The following MMP26 variants were observed in gnomAD, a reference collection of about 807,000 sequenced individuals.
MMP26 encodes the protein matrix metallopeptidase 26.
A neutral mutation model predicts 31.0 loss-of-function variants in MMP26; 33 were observed. That is an observed-to-expected ratio of 1.06 (90% CI 0.81 to 1.42). The LOEUF (loss-of-function observed/expected upper bound fraction) is 1.42, where lower values mean the gene tolerates loss of function less well. Among genes scored for constraint, MMP26 ranks in the 40% most tolerant of loss-of-function variants. The pLI is 0.00. For missense variants in MMP26, 347 were observed against 316.1 expected (o/e 1.10, Z -0.74); for synonymous variants, 122 against 114.9 (o/e 1.06, Z -0.40).
At chr11:4,708,983 C>G (rs2133263442) in intron 1 of MMP26, among the ~76,000 whole-genome samples, 1 of 152,158 alleles carries the variant, frequency 6.6e-6, no homozygotes, top group South Asian at 2.1e-4. Flanking sequence ...TGTTTCTTTC[C>G]TGGTACTTAG....
intron 2 of MMP26, among the ~76,000 whole-genome samples, chr11:4,934,073 C>A (rs1326700475): frequency 7.7e-6 from 1 of 129,304 alleles, no homozygotes; most frequent in African/African-American, 2.9e-5. Flanking sequence ...ATTTATAGTC[C>A]TTTGGCTATA....
chr11:4,803,182 AC>A (rs1370735787), intron 2 of MMP26, among the ~76,000 whole-genome samples: 1 of 152,160 alleles, frequency 6.6e-6, no homozygotes, highest in Non-Finnish European at 1.5e-5. Context: ...AATAGGTAAA[AC>A]TACTTTTATT....
In MMP26 at chr11:4,988,239, A is replaced by G. The variant is rs1846934338; in HGVS notation, c.28A>G (p.Ile10Val). 6.2e-7 allele frequency: 1 copy of G among 1,613,906 alleles called. No homozygotes were observed. Among genetic ancestry groups the G allele is most frequent in the South Asian group, 1.1e-5 (1 of 91,076 alleles). Residue 10 changes from isoleucine (I) to valine (V), a missense_variant, in exon 3 of 8, where the codon ATC (isoleucine) becomes GTC (valine). Ile to Val is a conservative substitution (Grantham distance 29, BLOSUM62 3). Transcript: ENST00000380390. ...GCAGCTCGTCATCTTAAGAGTTACT[A>G]TCTTCTTGCCCTGGTGTTTCGCCGT... Reference protein sequence around the residue: MQLVILRVTIFLPWCFAVPV... With the variant: MQLVILRVTVFLPWCFAVPV...
chr11:4,915,263 G>A (rs148695983), intron 2 of MMP26: 4 of 1,613,856 alleles, frequency 2.5e-6, no homozygotes, highest in South Asian at 1.1e-5. Flanking sequence ...ATAGTGCAAG[G>A]GGTGGCAGAT....
intron 2 of MMP26, chr11:4,860,414 T>C (rs1203619986): frequency 3.0e-5 from 14 of 471,058 alleles, no homozygotes; most frequent in African/African-American, 1.4e-4. Context: ...TCCACCTTGA[T>C]GACAGCTAGG....
At chr11:4,790,986 A>G (rs145742980) in intron 2 of MMP26, among the ~76,000 whole-genome samples, 1,843 of 152,314 alleles carry the variant, frequency 0.012, 20 homozygotes, top group Non-Finnish European at 0.018. Flanking sequence ...TTCGAAGTAC[A>G]TTATGCTGCC....
chr11:4,910,091 T>C (rs1194501628), intron 2 of MMP26, among the ~76,000 whole-genome samples: 6 of 152,108 alleles, frequency 3.9e-5, no homozygotes, highest in Non-Finnish European at 8.8e-5. Context: ...ATGGGCTTCA[T>C]TGAGCTAAAA....
At chr11:4,970,578 G>A (rs1564817075) in intron 2 of MMP26, among the ~76,000 whole-genome samples, 1 of 152,208 alleles carries the variant, frequency 6.6e-6, no homozygotes, top group African/African-American at 2.4e-5. Flanking sequence ...TGGAGGCTGT[G>A]GTGAGGCTAT....
At chr11:4,942,089 C>CAAAAA (rs201626472) in intron 2 of MMP26, among the ~76,000 whole-genome samples, 469 of 37,084 alleles carry the variant, frequency 0.013, 43 homozygotes, top group African/African-American at 0.043. Flanking sequence ...GAGTCCATCT[C>CAAAAA]AAAAAAAAAA....
Position 4,723,650 on chromosome 11 carries a change from A to G in MMP26, c.-217+18605A>G. 4.6e-6 allele frequency: 4 copies of G among 875,310 alleles called. No individual in the cohort carries two copies. The South Asian group carries it at 5.2e-5, about 11-fold the overall frequency. The allele number at this position is 875,310 out of a possible 1,614,324, so 54.2% of individuals were successfully genotyped here. A position where few individuals can be genotyped will look rare whatever the true frequency, so the allele number is the denominator to read the frequency against. ...GCACACTTATTGATCTCATCCTCAT[A>G]CTTGTTCTTGCAGTTCTCCATCAGC... On this transcript the variant is annotated intron_variant, in intron 1 of 7. Coordinates refer to ENST00000380390, the MANE Select transcript of MMP26 (RefSeq NM_021801.5).
intron 2 of MMP26, chr11:4,804,580 T>G: frequency 1.3e-6 from 1 of 760,746 alleles, no homozygotes; most frequent in Non-Finnish European, 2.5e-6. Flanking sequence ...GTTACTGTTG[T>G]TTTTCGTACT....
chr11:4,705,934 C>T (rs918010968), intron 1 of MMP26, among the ~76,000 whole-genome samples: 3 of 132,018 alleles, frequency 2.3e-5, no homozygotes, highest in African/African-American at 8.8e-5. Context: ...GTGATTGTGC[C>T]ATTGCACTCC....
chr11:4,878,388 A>G (rs1007480202), intron 2 of MMP26, among the ~76,000 whole-genome samples: 3 of 152,118 alleles, frequency 2.0e-5, no homozygotes, highest in African/African-American at 4.8e-5. Context: ...ATTTTATAAC[A>G]TAAGGTATAC....
At chr11:4,714,547 G>A (rs549090727) in intron 1 of MMP26, among the ~76,000 whole-genome samples, 2 of 152,194 alleles carry the variant, frequency 1.3e-5, no homozygotes, top group Admixed American at 1.3e-4. Context: ...TATATGCTTT[G>A]CAATGTTATC....
chr11:4,930,060 AT>A (rs1589942584), intron 2 of MMP26, among the ~76,000 whole-genome samples: 1 of 152,236 alleles, frequency 6.6e-6, no homozygotes, highest in East Asian at 1.9e-4. Flanking sequence ...AATTCTTTCA[AT>A]TTCTTTGATT....
At chr11:4,726,460 T>TAA (rs199521563) in intron 1 of MMP26, among the ~76,000 whole-genome samples, 1 of 144,968 alleles carries the variant, frequency 6.9e-6, no homozygotes, top group African/African-American at 2.5e-5. Context: ...GCAACTTCAT[T>TAA]AAAAAAAAAA....
intron 2 of MMP26, among the ~76,000 whole-genome samples, chr11:4,836,402 C>A (rs931687368): frequency 3.3e-5 from 5 of 151,012 alleles, no homozygotes; most frequent in African/African-American, 1.2e-4. Context: ...TATACACACA[C>A]AGATATACAT....
At chr11:4,865,940 T>G (rs1850228254) in intron 2 of MMP26, among the ~76,000 whole-genome samples, 1 of 152,096 alleles carries the variant, frequency 6.6e-6, no homozygotes, top group Non-Finnish European at 1.5e-5. Flanking sequence ...TTCAAACATG[T>G]GAGAGAAACT....
intron 2 of MMP26, among the ~76,000 whole-genome samples, chr11:4,892,973 C>T (rs1177804440): frequency 6.6e-6 from 1 of 152,040 alleles, no homozygotes; most frequent in East Asian, 1.9e-4. Context: ...AATCTTTTTC[C>T]AGCCTGGATT....
Sources: gnomAD v4.1 joint callset for allele counts (sites outside exome capture counted in the v4.1 genomes callset) on GRCh38, gnomAD v4.1.1 for gene constraint, MANE v1.5 for transcripts, NCBI Gene and HGNC (gene_info 2026-07-23, HGNC 2026-07-21) for gene names.